Variants in ADGRD2 observed in about 807,000 individuals in gnomAD.
The protein encoded by ADGRD2 is adhesion G protein-coupled receptor D2.
In ADGRD2, 71 loss-of-function variants were observed where a neutral mutation model predicts 44.4. The observed-to-expected ratio is 1.60, with a 90% confidence interval of 1.32 to 1.95. The LOEUF is 1.95. ADGRD2 is among the 30% of genes most tolerant of loss of function. ADGRD2 has a pLI of 0.00. For synonymous variants in ADGRD2, 481 were observed against 224.8 expected, an observed-to-expected ratio of 2.14 and a Z score of -10.19; for missense variants, 1,039 against 512.4, an observed-to-expected ratio of 2.03 and a Z score of -9.92.
chr9:124,452,001 C>CCT, upstream of ADGRD2: 3 of 319,578 alleles, frequency 9.4e-6, no homozygotes, highest in Non-Finnish European at 1.2e-5. Flanking sequence ...CTGAATGCCC[C>CCT]CCTCCCACCC....
intron 17 of ADGRD2, 139 bp from the exon 21 acceptor site, chr9:124,475,307 T>C (rs1832023551): frequency 1.7e-6 from 1 of 589,684 alleles, no homozygotes; most frequent in East Asian, 3.0e-5. Flanking sequence ...CAGGGCCGAC[T>C]TCGTGCCCAT....
upstream of ADGRD2, chr9:124,452,051 G>A (rs1163167252): frequency 1.4e-6 from 1 of 703,534 alleles, no homozygotes; most frequent in East Asian, 2.7e-5. Flanking sequence ...AGTGTGAGGG[G>A]AGGGTTGTCC....
upstream of ADGRD2, chr9:124,451,147 G>C (rs1274645652): frequency 2.1e-6 from 1 of 472,366 alleles, no homozygotes; most frequent in African/African-American, 2.0e-5. Context: ...CTCAGAAATG[G>C]ACGCACCTTG....
intron 14 of ADGRD2, 137 bp from the exon 18 acceptor site, chr9:124,469,085 C>T (rs2131252956): frequency 1.6e-6 from 1 of 610,536 alleles, no homozygotes; most frequent in Non-Finnish European, 2.9e-6. Flanking sequence ...GAGCCCCCAG[C>T]CCTGCTCCTT....
chr9:124,474,528 G>T (rs978412250), intron 17 of ADGRD2, among the ~76,000 whole-genome samples: 1 of 152,186 alleles, frequency 6.6e-6, no homozygotes, highest in Non-Finnish European at 1.5e-5. Context: ...TATCATCTCA[G>T]TTGGTGCCTG....
chr9:124,458,153 C>T (rs1423611406), exon 9 of ADGRD2: 2 of 718,516 alleles, frequency 2.8e-6, no homozygotes, highest in Non-Finnish European at 5.2e-6. Flanking sequence ...GGTTCACCTC[C>T]AGAGTCTTCC....
rs182487183 is a variant in ADGRD2 at position 124,457,640 on chromosome 9, T to A, written c.1640+34T>A. The A allele has an allele frequency of 8.7e-4, 508 of 581,468 alleles. 8 individuals are homozygous for A. Among genetic ancestry groups the A allele is most frequent in the East Asian group, 5.7e-3 (202 of 35,594 alleles). The allele number at this position is 581,468 out of a possible 1,614,324, so 36.0% of individuals were successfully genotyped here. A position where few individuals can be genotyped will look rare whatever the true frequency, so the allele number is the denominator to read the frequency against. ...GGATGAGGGGGTGTCCAGAGCCCTG[T>A]TGGGTTCTGGGTCAAACCTCAGCTC... is the stretch of plus-strand genomic sequence containing the variant. On this transcript the variant is annotated intron_variant, in intron 8 of 21. Coordinates refer to ENST00000334810, the Ensembl canonical transcript of ADGRD2.
At chr9:124,463,696 T>A (rs1831760238) in intron 10 of ADGRD2, among the ~76,000 whole-genome samples, 1 of 152,236 alleles carries the variant, frequency 6.6e-6, no homozygotes, top group Non-Finnish European at 1.5e-5. Flanking sequence ...AATGTGTCCA[T>A]TTCATCCAGG....
chr9:124,475,291 C>T (rs552145375), intron 17 of ADGRD2, among the ~76,000 whole-genome samples, 155 bp from the exon 21 acceptor site: 36 of 152,334 alleles, frequency 2.4e-4, no homozygotes, highest in African/African-American at 7.7e-4. Context: ...CAGGCGGGCA[C>T]GAGGGCAGGG....
intron 21 of ADGRD2, chr9:124,477,176 A>C (rs1477484246): frequency 4.8e-6 from 2 of 416,334 alleles, no homozygotes; most frequent in Non-Finnish European, 9.8e-6. Flanking sequence ...CACCAGCTGG[A>C]CAGCTGATGG....
intron 11 of ADGRD2, chr9:124,466,626 A>C: frequency 2.6e-6 from 1 of 378,698 alleles, no homozygotes; most frequent in Non-Finnish European, 4.7e-6. Context: ...CCTGGGCAAC[A>C]TGGCAAAACC....
In ADGRD2 at chr9:124,468,337, G is replaced by A. The variant is rs188199924; in HGVS notation, c.2233+147G>A. 8.5e-4 allele frequency: 576 copies of A among 674,144 alleles called. 2 individuals are homozygous for A. The highest frequency in any genetic ancestry group is 3.6e-3 in the Middle Eastern group (11 of 3,098). The allele number at this position is 674,144 out of a possible 1,614,324, so 41.8% of individuals were successfully genotyped here. On this transcript the variant is annotated intron_variant, in intron 13 of 21. Transcript: ENST00000334810. ...AGGGCCCGGGGAGGAGCAGGGCCCC[G>A]GGAGGAAAGGGCCCTGGGAGGAAAG...
chr9:124,455,635 A>C (rs1831601631), intron 6 of ADGRD2, among the ~76,000 whole-genome samples: 1 of 152,152 alleles, frequency 6.6e-6, no homozygotes, highest in Non-Finnish European at 1.5e-5. Context: ...CTGTAGTTAA[A>C]TGAAGTGATT....
intron 10 of ADGRD2, among the ~76,000 whole-genome samples, chr9:124,462,779 C>T (rs1489557557): frequency 6.6e-6 from 1 of 152,176 alleles, no homozygotes; most frequent in Non-Finnish European, 1.5e-5. Context: ...TTAGTACTTG[C>T]AGTAGCTCTT....
chr9:124,467,963 C>G, intron 12 of ADGRD2, 125 bp from the exon 16 acceptor site: 3 of 701,926 alleles, frequency 4.3e-6, no homozygotes, highest in Non-Finnish European at 5.3e-6. Context: ...TGTGCTGGGT[C>G]CCCTGTGGAG....
chr9:124,466,659 A>C, intron 11 of ADGRD2: 1 of 298,172 alleles, frequency 3.4e-6, no homozygotes, highest in Non-Finnish European at 6.2e-6. Flanking sequence ...AAAATGCAAA[A>C]ATTAGCCAGG....
At chr9:124,470,120 A>G (rs950269277) in intron 16 of ADGRD2, among the ~76,000 whole-genome samples, 19 of 152,072 alleles carry the variant, frequency 1.2e-4, no homozygotes, top group African/African-American at 4.3e-4. Context: ...GGGGTCCCTG[A>G]AAAGCCAGGG....
At chr9:124,470,521 G>C (rs1435928505) in exon 17 of ADGRD2, 1 of 711,076 alleles carries the variant, frequency 1.4e-6, no homozygotes, top group Non-Finnish European at 2.6e-6. Context: ...TGCTGGTCCT[G>C]CTGCCCGTCC....
chr9:124,457,322 G>A (rs1229291998), intron 7 of ADGRD2, 150 bp from the exon 11 acceptor site: 7 of 435,172 alleles, frequency 1.6e-5, no homozygotes, highest in Admixed American at 1.1e-4. Context: ...AGTCAGATTT[G>A]CCTTGGGCAA....
Sources: allele counts gnomAD v4.1 joint callset (sites outside exome capture counted in the v4.1 genomes callset), GRCh38; gene constraint gnomAD v4.1.1; transcripts MANE v1.5; gene names NCBI Gene and HGNC (gene_info 2026-07-23, HGNC 2026-07-21).